The following MELK variants were observed in gnomAD, a reference collection of about 807,000 sequenced individuals.
MELK encodes the protein pEg3 kinase.
In MELK, 81 loss-of-function variants were observed where a neutral mutation model predicts 85.0. The ratio of observed to expected loss-of-function variants is 0.95; its 90% CI spans 0.80 to 1.15. The LOEUF is 1.15. MELK is among the 50% of genes most tolerant of loss of function. MELK has a pLI of 0.00. For missense variants in MELK, 754 were observed against 777.5 expected (o/e 0.97, Z 0.36); for synonymous variants, 252 against 265.0 (o/e 0.95, Z 0.48).
intron 8 of MELK, among the ~76,000 whole-genome samples, chr9:36,616,063 G>A (rs1429647508): frequency 2.0e-5 from 3 of 152,234 alleles, no homozygotes; most frequent in East Asian, 1.9e-4. Flanking sequence ...GCTGCTTCCC[G>A]GGCGGCGCTC....
intron 8 of MELK, among the ~76,000 whole-genome samples, chr9:36,608,116 T>C (rs1825731992): frequency 6.6e-6 from 1 of 151,554 alleles, no homozygotes; most frequent in South Asian, 2.1e-4. Flanking sequence ...CCGTCTCTAC[T>C]AAAAATACAA....
intron 16 of MELK, among the ~76,000 whole-genome samples, chr9:36,672,338 C>T (rs1008621037): frequency 6.6e-6 from 1 of 152,048 alleles, no homozygotes; most frequent in Non-Finnish European, 1.5e-5. Context: ...TTTAAAAAAA[C>T]CATAGTACCA....
At chr9:36,601,942 A>G (rs1050078636) in intron 7 of MELK, among the ~76,000 whole-genome samples, 77 of 152,342 alleles carry the variant, frequency 5.1e-4, no homozygotes, top group African/African-American at 1.7e-3. Context: ...TTGTATGTAT[A>G]TACCACATTT....
At chr9:36,640,588 G>T (rs145780919) in intron 10 of MELK, among the ~76,000 whole-genome samples, 2 of 151,934 alleles carry the variant, frequency 1.3e-5, no homozygotes, top group Non-Finnish European at 2.9e-5. Flanking sequence ...CTAGGACTAC[G>T]CATGTGAGCC....
intron 8 of MELK, among the ~76,000 whole-genome samples, chr9:36,623,954 G>A (rs1827686573): frequency 6.6e-6 from 1 of 152,194 alleles, no homozygotes; most frequent in Admixed American, 6.5e-5. Context: ...AATAGTATCA[G>A]CAGCAGCAGT....
intron 1 of MELK, among the ~76,000 whole-genome samples, chr9:36,579,937 G>A (rs1022309380): frequency 6.6e-6 from 1 of 151,366 alleles, no homozygotes; most frequent in Non-Finnish European, 1.5e-5. Context: ...AAGTTGTGAA[G>A]CATAATAATA....
chr9:36,578,795 AC>A (rs1030960527), intron 1 of MELK, among the ~76,000 whole-genome samples: 1 of 152,098 alleles, frequency 6.6e-6, no homozygotes, highest in African/African-American at 2.4e-5. Context: ...CTTCTCAGAA[AC>A]CACTGTTGCT....
rs920679279 is a variant in MELK, at chr9:36,595,671, T to A, written c.405+900T>A. Among the ~76,000 whole-genome samples, 10 of 149,068 alleles carry A rather than the reference T, an allele frequency of 6.7e-5. No individual in the cohort carries two copies. In the Admixed American group the frequency reaches 6.8e-4, roughly 10 times the overall value. On this transcript the variant is annotated intron_variant, in intron 5 of 17. Coordinates refer to ENST00000298048, the MANE Select transcript of MELK (RefSeq NM_014791.4). ...CCCAGGCTGGAGTGCAGTGGCATGA[T>A]CAGGGCTCACTGTAGCCTCAACCTC...
rs200746617 is a variant in MELK, at chr9:36,671,002, C to A, written c.1510C>A (p.Arg504Ser). 6.2e-6 allele frequency: 10 copies of A among 1,606,320 alleles called. No individual in the cohort carries two copies. The highest frequency in any genetic ancestry group is 7.6e-6 in the Non-Finnish European group (9 of 1,177,180). The change falls in exon 16 of 18, where the codon CGC becomes AGC. Residue 504 changes from arginine (R) to serine (S), a missense_variant. Physicochemically the swap from Arg to Ser is moderately radical, Grantham distance 110 (BLOSUM62 -1). Coordinates refer to ENST00000298048, the MANE Select transcript of MELK (RefSeq NM_014791.4). The stretch of plus-strand genomic sequence containing the variant: ...TTGTTTTATGTTTTGTTTCAGGTGC[C>A]GCTCAGTGGAATTGGATCTCAACCA... ...TGVISPERRC[R>S]SVELDLNQAH... is the part of the protein sequence containing the mutation.
At chr9:36,636,786 G>GTCTTTCTGTCTT (rs1224635956) in intron 10 of MELK, among the ~76,000 whole-genome samples, 7 of 50,718 alleles carry the variant, frequency 1.4e-4, no homozygotes, top group African/African-American at 3.4e-4. Context: ...CTTTCTTTCT[G>GTCTTTCTGTCTT]TCTGTCTTTC....
In MELK at chr9:36,677,430, A is replaced by G; in HGVS notation, c.*93A>G. ...TCGCTTTGATTTTAAAGTTCATTGG[A>G]ACTACCAACTTGTTTCTAAAGAGCT... On this transcript the variant is annotated 3_prime_UTR_variant, in exon 18 of 18. Coordinates refer to ENST00000298048, the MANE Select transcript of MELK (RefSeq NM_014791.4). The G allele has an allele frequency of 4.3e-6, 5 of 1,174,210 alleles. No homozygotes were observed. The highest frequency in any genetic ancestry group is 5.7e-6 in the Non-Finnish European group (5 of 870,688). The allele number at this position is 1,174,210 out of a possible 1,614,324, so 72.7% of individuals were successfully genotyped here. A position where few individuals can be genotyped will look rare whatever the true frequency, so the allele number is the denominator to read the frequency against.
chr9:36,619,102 G>C (rs1827146005), intron 8 of MELK, among the ~76,000 whole-genome samples: 1 of 152,070 alleles, frequency 6.6e-6, no homozygotes, highest in Admixed American at 6.6e-5. Context: ...GGGATTACAG[G>C]CGTGTACCAC....
At chr9:36,615,408 T>C (rs1587442085) in intron 8 of MELK, among the ~76,000 whole-genome samples, 1 of 102,022 alleles carries the variant, frequency 9.8e-6, no homozygotes, top group African/African-American at 4.1e-5. Context: ...CCCCCCCACC[T>C]CCCTCCCGGA....
At chr9:36,609,447 CTTTTTTTTTTT>C in intron 8 of MELK, among the ~76,000 whole-genome samples, 1 of 132,736 alleles carries the variant, frequency 7.5e-6, no homozygotes, top group Non-Finnish European at 1.6e-5. Context: ...CTTTCTTCTT[CTTTTTTTTTTT>C]TTTTTTTGAG....
At position 36,597,286 on chromosome 9, in the gene MELK, C is replaced by T. The variant is rs1824392110; in HGVS notation, c.470C>T (p.Pro157Leu). 1 of 1,611,312 alleles carries T rather than the reference C, an allele frequency of 6.2e-7. No homozygotes were observed. The highest frequency in any genetic ancestry group is 1.3e-5 in the African/African-American group (1 of 74,800). The change falls in exon 6 of 18, where the codon CCC becomes CTC. Residue 157 changes from proline to leucine, a missense_variant. Transcript: ENST00000298048. ...KLIDFGLCAKPKGNKDYHLQT... is the reference protein window; with the variant it reads ...KLIDFGLCAKLKGNKDYHLQT... Reference sequence around the variant, plus strand: ...ATTGACTTTGGTCTCTGTGCAAAACCCAAGGTAAGTGCAGAAATAAGATGC... The same window carrying T: ...ATTGACTTTGGTCTCTGTGCAAAACTCAAGGTAAGTGCAGAAATAAGATGC...
intron 7 of MELK, 94 bp downstream of exon 7, chr9:36,599,580 A>T: frequency 2.7e-6 from 2 of 753,188 alleles, no homozygotes; most frequent in Non-Finnish European, 4.4e-6. Flanking sequence ...GGGTATAATG[A>T]TGAAGTAAGA....
rs529759415 is a variant in MELK at position 36,573,105 on chromosome 9, G to A, written c.-39+98G>A. 2.0e-5 allele frequency: 3 copies of A among 152,368 alleles called. No homozygotes were observed. The East Asian group carries it at 5.8e-4, about 29-fold the overall frequency. The allele number at this position is 152,368 out of a possible 1,614,324, so 9.4% of individuals were successfully genotyped here. On this transcript the variant is annotated intron_variant, in intron 1 of 17. Coordinates refer to ENST00000298048, the MANE Select transcript of MELK (RefSeq NM_014791.4). The stretch of plus-strand genomic sequence containing the variant: ...CAAACCCAGTTTGCTCCTGGCTCTC[G>A]GGAGACTGGAGGATTTCATCGGAGC...
intron 8 of MELK, among the ~76,000 whole-genome samples, chr9:36,616,058 T>C (rs958964218): frequency 1.3e-5 from 2 of 152,158 alleles, no homozygotes; most frequent in Non-Finnish European, 2.9e-5. Context: ...CAGCCGCTGC[T>C]TCCCGGGCGG....
At chr9:36,671,272 A>G in intron 16 of MELK, 106 bp downstream of exon 16, 1 of 1,218,966 alleles carries the variant, frequency 8.2e-7, no homozygotes, top group Non-Finnish European at 1.1e-6. Flanking sequence ...TTATTTGAGT[A>G]TTTATTCACT....
Sources: allele counts gnomAD v4.1 joint callset (sites outside exome capture counted in the v4.1 genomes callset), GRCh38; gene constraint gnomAD v4.1.1; transcripts MANE v1.5; gene names NCBI Gene and HGNC (gene_info 2026-07-23, HGNC 2026-07-21).